RMDN2: variants seen among roughly 807,000 people sequenced by gnomAD.
RMDN2 encodes the protein regulator of microtubule dynamics protein 2.
Under a neutral mutation model 52.8 loss-of-function variants are expected in RMDN2, and 61 were observed. That is an observed-to-expected ratio of 1.16 (90% CI 0.94 to 1.43). The LOEUF (loss-of-function observed/expected upper bound fraction) is 1.43. Ranked by LOEUF, RMDN2 falls within the 40% of genes most tolerant of loss-of-function variation. RMDN2 has a pLI of 0.00. For missense variants in RMDN2, 592 were observed against 475.3 expected (o/e 1.25, Z -2.28); for synonymous variants, 180 against 153.1 (o/e 1.18, Z -1.30).
At chr2:38,011,154 G>A (rs1193219940) in intron 10 of RMDN2, among the ~76,000 whole-genome samples, 1 of 152,204 alleles carries the variant, frequency 6.6e-6, no homozygotes. Flanking sequence ...GCCATCCTCA[G>A]TCCTCAATTC....
upstream of RMDN2, among the ~76,000 whole-genome samples, chr2:37,921,601 T>C (rs1432021720): frequency 6.6e-6 from 1 of 152,194 alleles, no homozygotes; most frequent in Non-Finnish European, 1.5e-5. Flanking sequence ...AAGTGGGGGA[T>C]ACAAATGATG....
At chr2:37,951,276 G>A in intron 2 of RMDN2, 1 of 1,606,524 alleles carries the variant, frequency 6.2e-7, no homozygotes, top group East Asian at 2.2e-5. Context: ...TTCTCCAGAA[G>A]ATCAAGTTAG....
At chr2:37,982,161 C>G (rs970436734) in intron 5 of RMDN2, among the ~76,000 whole-genome samples, 1 of 152,174 alleles carries the variant, frequency 6.6e-6, no homozygotes, top group African/African-American at 2.4e-5. Context: ...CAAAATCTCT[C>G]TTAAAATGAC....
intron 2 of RMDN2, among the ~76,000 whole-genome samples, chr2:37,959,777 G>C (rs926179706): frequency 2.0e-5 from 3 of 150,820 alleles, no homozygotes; most frequent in Admixed American, 1.3e-4. Context: ...GCTTTCTCCT[G>C]TAGGCATTTA....
intron 7 of RMDN2, among the ~76,000 whole-genome samples, chr2:37,994,089 C>A (rs1341132171): frequency 6.6e-6 from 1 of 152,056 alleles, no homozygotes; most frequent in Non-Finnish European, 1.5e-5. Flanking sequence ...GAAAGTGTCC[C>A]AACAATGATG....
chr2:37,998,640 CTT>C (rs754570262), intron 8 of RMDN2, among the ~76,000 whole-genome samples: 2 of 152,140 alleles, frequency 1.3e-5, no homozygotes, highest in Non-Finnish European at 2.9e-5. Flanking sequence ...TTTCTTCTCA[CTT>C]TCTATCTCTC....
Position 38,003,218 on chromosome 2 carries a change from C to T in RMDN2, c.1045-773C>T, listed in dbSNP as rs533363534. On this transcript the variant is annotated intron_variant, in intron 8 of 10. Coordinates refer to ENST00000354545, the MANE Select transcript of RMDN2 (RefSeq NM_001170791.3). ...TCAAATATTAATCTAGTGGAAGATG[C>T]TTGCCATGGGGTACCAGTCATGCTC... Among the ~76,000 whole-genome samples the T allele has an allele frequency of 1.6e-3, 250 of 152,236 alleles. 4 individuals carry two copies. Among genetic ancestry groups the T allele is most frequent in the African/African-American group, 5.3e-3 (219 of 41,522 alleles).
chr2:37,942,424 C>T (rs1267373085), intron 2 of RMDN2, among the ~76,000 whole-genome samples: 1 of 152,136 alleles, frequency 6.6e-6, no homozygotes, highest in Non-Finnish European at 1.5e-5. Flanking sequence ...ATTCCTTAGG[C>T]ATATGTGGAA....
chr2:38,048,440 A>T, intron 10 of RMDN2, among the ~76,000 whole-genome samples: 1 of 152,222 alleles, frequency 6.6e-6, no homozygotes, highest in East Asian at 1.9e-4. Context: ...GCCTCCAGGG[A>T]CTTCAGGAAG....
At chr2:37,951,964 A>T in intron 2 of RMDN2, 1 of 1,613,438 alleles carries the variant, frequency 6.2e-7, no homozygotes, top group Non-Finnish European at 8.5e-7. Flanking sequence ...GATTTCCTTC[A>T]TCCTCGTCCT....
At chr2:38,018,008 C>T (rs1391307187), downstream of RMDN2, among the ~76,000 whole-genome samples, 1 of 152,116 alleles carries the variant, frequency 6.6e-6, no homozygotes, top group East Asian at 1.9e-4. Flanking sequence ...AGGAATTTCA[C>T]GAGATAATGT....
intron 2 of RMDN2, among the ~76,000 whole-genome samples, chr2:37,941,003 A>C (rs998119454): frequency 1.6e-4 from 24 of 152,314 alleles, no homozygotes; most frequent in African/African-American, 5.5e-4. Context: ...GCCTATTGGC[A>C]CTGGTTTTTC....
chr2:37,952,289 A>C, intron 2 of RMDN2: 19 of 1,233,124 alleles, frequency 1.5e-5, no homozygotes, highest in Non-Finnish European at 1.9e-5. Flanking sequence ...TTCATTTCTC[A>C]TAACTCCCCT....
chr2:38,004,553 G>A (rs946942899), intron 10 of RMDN2, among the ~76,000 whole-genome samples: 7 of 151,982 alleles, frequency 4.6e-5, no homozygotes, highest in African/African-American at 1.7e-4. Context: ...CAGTCACATT[G>A]CTGTCCTTTA....
At chr2:38,052,694 T>C (rs1250488276) in intron 10 of RMDN2, among the ~76,000 whole-genome samples, 1 of 152,230 alleles carries the variant, frequency 6.6e-6, no homozygotes, top group Non-Finnish European at 1.5e-5. Flanking sequence ...TAAGGATGCT[T>C]ATCCTCAGAC....
chr2:37,927,512 G>A (rs987234397), intron 1 of RMDN2, among the ~76,000 whole-genome samples: 1 of 152,118 alleles, frequency 6.6e-6, no homozygotes, highest in Non-Finnish European at 1.5e-5. Flanking sequence ...TCCTTCCTAG[G>A]TAGATTTTTA....
intron 2 of RMDN2, among the ~76,000 whole-genome samples, chr2:37,961,074 G>A (rs985588116): frequency 1.3e-5 from 2 of 152,100 alleles, no homozygotes; most frequent in African/African-American, 4.8e-5. Flanking sequence ...AGTCTGATGG[G>A]CTTCCCTTTG....
intron 10 of RMDN2, 87 bp from the exon 11 acceptor site, chr2:38,017,099 C>T: frequency 2.7e-6 from 2 of 745,082 alleles, no homozygotes; most frequent in Non-Finnish European, 4.0e-6. Context: ...GGGGAATCTC[C>T]TCAAGTCAGT....
chr2:37,951,724 A>G (rs1325520203), intron 2 of RMDN2: 2 of 1,612,660 alleles, frequency 1.2e-6, no homozygotes, highest in Non-Finnish European at 1.7e-6. Flanking sequence ...AGTAATACTG[A>G]TGCTAAAAAA....
Sources: gnomAD v4.1 joint callset for allele counts (sites outside exome capture counted in the v4.1 genomes callset) on GRCh38, gnomAD v4.1.1 for gene constraint, MANE v1.5 for transcripts, NCBI Gene and HGNC (gene_info 2026-07-23, HGNC 2026-07-21) for gene names.